Variants in TENM2 observed in about 807,000 individuals in gnomAD.
The protein encoded by TENM2 is teneurin-2.
Under a neutral mutation model 245.2 loss-of-function variants are expected in TENM2, and 52 were observed. That is an observed-to-expected ratio of 0.21 (90% CI 0.17 to 0.27). The LOEUF is 0.27. TENM2 is among the 10% of genes least tolerant of loss of function. The probability of loss-of-function intolerance (pLI) is 1.00; values close to 1 mark genes in which losing one functional copy is unlikely to be tolerated. For missense variants in TENM2, 3,046 were observed against 3,666.8 expected, an observed-to-expected ratio of 0.83 and a Z score of 4.37; for synonymous variants, 1,363 against 1,438.9, an observed-to-expected ratio of 0.95 and a Z score of 1.19.
chr5:168,165,648 A>ACCCCCCCCCCCCCCCCC (rs34203413), intron 13 of TENM2, among the ~76,000 whole-genome samples: 3 of 30,948 alleles, frequency 9.7e-5, no homozygotes, highest in Non-Finnish European at 1.7e-4. Flanking sequence ...CCCCCCCCCA[A>ACCCCCCCCCCCCCCCCC]CCCCCCCCCC....
At chr5:167,659,830 T>G (rs753330117) in intron 2 of TENM2, among the ~76,000 whole-genome samples, 10 of 152,178 alleles carry the variant, frequency 6.6e-5, no homozygotes, top group Non-Finnish European at 1.2e-4. Flanking sequence ...CCTCCCCATA[T>G]GATGTGTTTG....
intron 2 of TENM2, among the ~76,000 whole-genome samples, chr5:167,641,748 G>A (rs983343810): frequency 2.0e-5 from 3 of 152,120 alleles, no homozygotes; most frequent in Non-Finnish European, 4.4e-5. Context: ...TTCCTCGTCA[G>A]TAAAAAGGGA....
chr5:167,011,014 A>G, the TENM2 span, among the ~76,000 whole-genome samples: 1 of 152,236 alleles, frequency 6.6e-6, no homozygotes, highest in Admixed American at 6.5e-5. Context: ...AAAACAGGTT[A>G]AGTAGACTGG....
At chr5:167,795,928 C>G (rs762832689) in intron 2 of TENM2, among the ~76,000 whole-genome samples, 1 of 152,170 alleles carries the variant, frequency 6.6e-6, no homozygotes, top group Non-Finnish European at 1.5e-5. Flanking sequence ...GGAGATACCT[C>G]TATGAGTAAG....
intron 1 of TENM2, among the ~76,000 whole-genome samples, chr5:167,348,904 T>C (rs1758643997): frequency 6.6e-6 from 1 of 152,216 alleles, no homozygotes; most frequent in Admixed American, 6.5e-5. Flanking sequence ...TTGCATATTC[T>C]GTAAGTCTTA....
At chr5:167,604,861 C>T (rs1044890324) in intron 2 of TENM2, among the ~76,000 whole-genome samples, 5 of 152,180 alleles carry the variant, frequency 3.3e-5, no homozygotes, top group African/African-American at 4.8e-5. Context: ...TGAATGGAGT[C>T]TGTCAACAGT....
At chr5:167,704,301 C>G (rs62382819) in intron 2 of TENM2, among the ~76,000 whole-genome samples, 1 of 152,124 alleles carries the variant, frequency 6.6e-6, no homozygotes, top group East Asian at 1.9e-4. Context: ...ACAGATAATT[C>G]CTCTGGGTGT....
At chr5:167,373,901 T>C (rs920013485) in intron 1 of TENM2, among the ~76,000 whole-genome samples, 12 of 152,222 alleles carry the variant, frequency 7.9e-5, no homozygotes, top group Admixed American at 2.0e-4. Context: ...CACACGTTTA[T>C]AGAACATGAC....
At chr5:168,136,733 C>G (rs1270274158) in intron 12 of TENM2, among the ~76,000 whole-genome samples, 3 of 152,206 alleles carry the variant, frequency 2.0e-5, no homozygotes, top group Non-Finnish European at 4.4e-5. Flanking sequence ...GACAGGCTCT[C>G]AACCCAGGGT....
chr5:167,272,319 CAG>C, the TENM2 span, among the ~76,000 whole-genome samples: 3 of 152,216 alleles, frequency 2.0e-5, no homozygotes, highest in East Asian at 1.9e-4. Context: ...ACAGGCAAAA[CAG>C]AGGAATAAAG....
At chr5:167,634,991 C>G (rs954766156) in intron 2 of TENM2, among the ~76,000 whole-genome samples, 1 of 152,096 alleles carries the variant, frequency 6.6e-6, no homozygotes, top group East Asian at 1.9e-4. Context: ...TTATGAGATC[C>G]TAGCATGTTG....
At chr5:167,413,785 A>G (rs1417881826) in intron 2 of TENM2, among the ~76,000 whole-genome samples, 1 of 152,172 alleles carries the variant, frequency 6.6e-6, no homozygotes, top group Non-Finnish European at 1.5e-5. Context: ...ATGAGGCTGA[A>G]CTTAACACTG....
chr5:167,206,613 GTAAAATGAGCTGT>G, the TENM2 span, among the ~76,000 whole-genome samples: 1 of 152,048 alleles, frequency 6.6e-6, no homozygotes, highest in African/African-American at 2.4e-5. Context: ...TTTTTCTTCT[GTAAAATGAGCTGT>G]TAAAATAAGT....
chr5:167,814,950 TG>T (rs1471221343), intron 2 of TENM2, among the ~76,000 whole-genome samples: 1 of 152,114 alleles, frequency 6.6e-6, no homozygotes, highest in Non-Finnish European at 1.5e-5. Context: ...AAATTCCTCA[TG>T]TGTTAATAGA....
chr5:168,204,714 C>A, intron 19 of TENM2, 93 bp downstream of exon 21: 1 of 1,496,216 alleles, frequency 6.7e-7, no homozygotes, highest in African/African-American at 1.4e-5. Flanking sequence ...TGGGATTCTC[C>A]AGAGAAGATA....
At chr5:167,214,397 T>C in the TENM2 span, among the ~76,000 whole-genome samples, 1 of 152,172 alleles carries the variant, frequency 6.6e-6, no homozygotes, top group South Asian at 2.1e-4. Flanking sequence ...AGTCCTTAAT[T>C]ATCCAGAGGC....
At chr5:168,173,692 T>C (rs1759067074) in intron 13 of TENM2, among the ~76,000 whole-genome samples, 1 of 152,052 alleles carries the variant, frequency 6.6e-6, no homozygotes, top group African/African-American at 2.4e-5. Context: ...TGAATAAGAC[T>C]CAAACTCCGC....
At chr5:168,109,517 G>C (rs1439616350) in intron 9 of TENM2, among the ~76,000 whole-genome samples, 2 of 152,342 alleles carry the variant, frequency 1.3e-5, no homozygotes, top group East Asian at 3.9e-4. Context: ...CACTGGATTA[G>C]TGATACCCAC....
chr5:167,340,221 A>G (rs1758014476), intron 1 of TENM2, among the ~76,000 whole-genome samples: 1 of 152,122 alleles, frequency 6.6e-6, no homozygotes, highest in South Asian at 2.1e-4. Flanking sequence ...TATTTCTATA[A>G]TGCACCTCAA....
Sources: gnomAD v4.1 joint callset for allele counts (sites outside exome capture counted in the v4.1 genomes callset) on GRCh38, gnomAD v4.1.1 for gene constraint, MANE v1.5 for transcripts, NCBI Gene and HGNC (gene_info 2026-07-23, HGNC 2026-07-21) for gene names.